The following TTC34 variants were observed in gnomAD, a reference collection of about 807,000 sequenced individuals.
The protein encoded by TTC34 is tetratricopeptide repeat protein 34.
TTC34 carries 44 observed loss-of-function variants against 40.7 expected under a neutral mutation model. The ratio of observed to expected loss-of-function variants is 1.08; its 90% confidence interval spans 0.85 to 1.39. TTC34 has a LOEUF of 1.39. Ranked by LOEUF, TTC34 falls within the 40% of genes most tolerant of loss-of-function variation. The pLI is 0.00. For synonymous variants in TTC34, 422 were observed against 398.6 expected (o/e 1.06, Z -0.70); for missense variants, 884 against 838.0 (o/e 1.05, Z -0.68).
At chr1:2,687,058 C>G (rs1359741048) in intron 6 of TTC34, among the ~76,000 whole-genome samples, 58 of 134,996 alleles carry the variant, frequency 4.3e-4, no homozygotes, top group Admixed American at 9.5e-4. Flanking sequence ...AGGCGTGCAT[C>G]CGACAGCCTG....
At chr1:2,795,762 G>T (rs767947668) in intron 2 of TTC34, among the ~76,000 whole-genome samples, 5 of 152,222 alleles carry the variant, frequency 3.3e-5, no homozygotes, top group East Asian at 1.9e-4. Flanking sequence ...AGACAAACAC[G>T]TAGGGAGCCA....
At chr1:2,691,267 G>C (rs914425856) in intron 6 of TTC34, among the ~76,000 whole-genome samples, 1 of 90,218 alleles carries the variant, frequency 1.1e-5, no homozygotes, top group Non-Finnish European at 2.7e-5. Flanking sequence ...CACACCCCCA[G>C]GTGAGAATCC....
intron 6 of TTC34, among the ~76,000 whole-genome samples, chr1:2,767,689 A>T (rs1281598250): frequency 7.7e-6 from 1 of 129,390 alleles, no homozygotes; most frequent in African/African-American, 3.0e-5. Context: ...CTCCAACCCC[A>T]GGTGAGGATC....
At chr1:2,773,156 C>A (rs1238507151) in intron 6 of TTC34, among the ~76,000 whole-genome samples, 1 of 137,400 alleles carries the variant, frequency 7.3e-6, no homozygotes, top group Admixed American at 7.2e-5. Context: ...GAGCATCTGA[C>A]AGCCTGGAGC....
chr1:2,677,656 G>C (rs1274319047), intron 6 of TTC34, among the ~76,000 whole-genome samples: 3 of 151,494 alleles, frequency 2.0e-5, no homozygotes, highest in African/African-American at 7.3e-5. Flanking sequence ...CACACCCCCA[G>C]GCGAGCATCT....
intron 6 of TTC34, among the ~76,000 whole-genome samples, chr1:2,750,399 GCA>G (rs1641277123): frequency 1.0e-4 from 2 of 20,064 alleles, no homozygotes; most frequent in Non-Finnish European, 8.8e-5. Context: ...GGAACAGCAC[GCA>G]CACCCCCAGG....
chr1:2,686,372 C>CGTGTG (rs1640347038), intron 6 of TTC34, among the ~76,000 whole-genome samples: 2 of 147,630 alleles, frequency 1.4e-5, no homozygotes, highest in African/African-American at 2.5e-5. Flanking sequence ...CCCAGGTGCG[C>CGTGTG]ATGTGATGGT....
chr1:2,790,597 G>A (rs571558861), intron 2 of TTC34, among the ~76,000 whole-genome samples: 19 of 152,310 alleles, frequency 1.2e-4, no homozygotes, highest in Non-Finnish European at 2.5e-4. Flanking sequence ...GGGGGCAGCC[G>A]CCCGGCCTGC....
At chr1:2,637,315 A>G (rs1348693965) in exon 9 of TTC34, 8 of 152,202 alleles carry the variant, frequency 5.3e-5, no homozygotes, top group Non-Finnish European at 8.8e-5. Context: ...CAGGCTGAGG[A>G]TTTAATTTGT....
At chr1:2,750,398 C>CCCT (rs1641276891) in intron 6 of TTC34, among the ~76,000 whole-genome samples, 4 of 91,600 alleles carry the variant, frequency 4.4e-5, no homozygotes, top group African/African-American at 5.2e-5. Context: ...TGGAACAGCA[C>CCCT]GCACACCCCC....
chr1:2,749,560 ACACCCCC>A (rs1641251491), intron 6 of TTC34, among the ~76,000 whole-genome samples: 1 of 70,734 alleles, frequency 1.4e-5, no homozygotes. Flanking sequence ...AGCAGCACCC[ACACCCCC>A]AGGCGAGCAT....
At chr1:2,789,570 C>G (rs1328616697) in exon 3 of TTC34, 15 of 1,483,920 alleles carry the variant, frequency 1.0e-5, no homozygotes, top group Middle Eastern at 3.5e-4. Flanking sequence ...GACGGCCCGG[C>G]GCGTGGAGAT....
chr1:2,785,817 A>G lies in TTC34; in HGVS notation c.2059+2T>C. The G allele has an allele frequency of 1.3e-6, 2 of 1,543,060 alleles. No individual in the cohort carries two copies. The highest frequency in any genetic ancestry group is 1.7e-6 in the Non-Finnish European group (2 of 1,143,344). On this transcript the variant is annotated splice_donor_variant, in intron 5 of 8. Transcript: ENST00000401095. LOFTEE classifies it high-confidence loss of function. Reference sequence around the variant, plus strand: ...CCCTGGGGGCAGGTGGGCAGCTCCTACCTGCGGCAAAGATGGCCAGAGACA... The same window carrying G: ...CCCTGGGGGCAGGTGGGCAGCTCCTGCCTGCGGCAAAGATGGCCAGAGACA...
At chr1:2,681,934 C>G (rs373332367) in intron 6 of TTC34, among the ~76,000 whole-genome samples, 1 of 108,484 alleles carries the variant, frequency 9.2e-6, no homozygotes, top group Non-Finnish European at 2.0e-5. Context: ...CAGCCTGGAA[C>G]AGCACCAACA....
At chr1:2,785,931 G>T in exon 5 of TTC34, 1 of 1,528,378 alleles carries the variant, frequency 6.5e-7, no homozygotes, top group Non-Finnish European at 8.8e-7. Flanking sequence ...CGTGGCAGTG[G>T]CCTTGAAGCA....
exon 2 of TTC34, chr1:2,800,790 C>G (rs533722362): frequency 2.5e-6 from 1 of 398,526 alleles, no homozygotes; most frequent in South Asian, 1.3e-4. Context: ...CTCCCCCTCC[C>G]GGCAGAGGCA....
chr1:2,768,637 A>C (rs1356371753), intron 6 of TTC34, among the ~76,000 whole-genome samples: 5 of 151,842 alleles, frequency 3.3e-5, no homozygotes, highest in African/African-American at 1.2e-4. Flanking sequence ...TGAGCATCCG[A>C]CAGCCTGGAA....
chr1:2,650,484 C>G (rs376590980), intron 6 of TTC34, among the ~76,000 whole-genome samples: 63 of 151,516 alleles, frequency 4.2e-4, no homozygotes, highest in African/African-American at 1.5e-3. Flanking sequence ...TTGTGACAAT[C>G]TGGAACAGGA....
chr1:2,800,529 T>A (rs558182033), exon 2 of TTC34: 83 of 398,396 alleles, frequency 2.1e-4, no homozygotes, highest in South Asian at 1.3e-3. Context: ...GGCGGGGTGG[T>A]CCGGGCAGAG....
Sources: gnomAD v4.1 joint callset for allele counts (sites outside exome capture counted in the v4.1 genomes callset) on GRCh38, gnomAD v4.1.1 for gene constraint, MANE v1.5 for transcripts, NCBI Gene and HGNC (gene_info 2026-07-23, HGNC 2026-07-21) for gene names.